The following SLC22A23 variants were observed in gnomAD, a reference collection of about 807,000 sequenced individuals.
SLC22A23 encodes solute carrier family 22 member 23, also known as ion transporter protein.
In SLC22A23, 26 loss-of-function variants were observed where a neutral mutation model predicts 61.0. That is an observed-to-expected ratio of 0.43 (90% CI 0.31 to 0.59). The LOEUF (loss-of-function observed/expected upper bound fraction) is 0.59. Among genes scored for constraint, SLC22A23 ranks in the 20% least tolerant of loss-of-function variants. The pLI, the probability that SLC22A23 is intolerant of heterozygous loss-of-function variation, is 0.11. For missense variants in SLC22A23, 796 were observed against 934.7 expected, an observed-to-expected ratio of 0.85 and a Z score of 1.94; for synonymous variants, 430 against 413.9, an observed-to-expected ratio of 1.04 and a Z score of -0.47.
At chr6:3,353,058 T>C (rs1020482072) in intron 3 of SLC22A23, among the ~76,000 whole-genome samples, 12 of 152,228 alleles carry the variant, frequency 7.9e-5, no homozygotes, top group African/African-American at 2.9e-4. Flanking sequence ...TTTACCCTGT[T>C]CTTCAGCAAC....
chr6:3,312,212 T>C (rs563189284), intron 4 of SLC22A23: 10 of 152,366 alleles, frequency 6.6e-5, no homozygotes, highest in Admixed American at 1.3e-4. Flanking sequence ...AGCGGATGAA[T>C]ACTTGGAGTC....
intron 4 of SLC22A23, among the ~76,000 whole-genome samples, chr6:3,310,015 A>G (rs1027312757): frequency 6.6e-6 from 1 of 152,238 alleles, no homozygotes; most frequent in Non-Finnish European, 1.5e-5. Flanking sequence ...TATTCTACAA[A>G]GAGTCCCACC....
intron 3 of SLC22A23, among the ~76,000 whole-genome samples, chr6:3,385,062 C>T (rs568643125): frequency 8.0e-4 from 121 of 152,120 alleles, no homozygotes; most frequent in African/African-American, 2.8e-3. Flanking sequence ...AGGAGAACGG[C>T]GGTTACCAAG....
rs148274234 is a variant in SLC22A23, at chr6:3,327,506, T to A, written c.914-3504A>T. On this transcript the variant is annotated intron_variant, in intron 3 of 9. Transcript: ENST00000406686. The surrounding 1 kb of genome is among the most constrained non-coding windows in gnomAD (Gnocchi z 4.1). ...ATTAAACTATCTCAAGTGGCCAGCA[T>A]GTAGCACTTCCACTGCTGTGGTTAA... Among the ~76,000 whole-genome samples, 388 of 152,346 alleles carry A rather than the reference T, an allele frequency of 2.5e-3. 2 individuals carry two copies. The highest frequency in any genetic ancestry group is 8.8e-3 in the African/African-American group (364 of 41,586).
At chr6:3,425,574 G>A (rs1481277595) in intron 1 of SLC22A23, among the ~76,000 whole-genome samples, 3 of 152,062 alleles carry the variant, frequency 2.0e-5, no homozygotes, top group African/African-American at 4.8e-5. Flanking sequence ...ATGAGTCACC[G>A]CACCCGGCCG....
chr6:3,290,803 C>T (rs151141902), intron 5 of SLC22A23: 1 of 152,590 alleles, frequency 6.6e-6, no homozygotes, highest in Non-Finnish European at 1.5e-5. Flanking sequence ...TGTTGCCTCT[C>T]TGCCTTCCTA....
At chr6:3,347,844 G>T (rs890092824) in intron 3 of SLC22A23, among the ~76,000 whole-genome samples, 5 of 152,188 alleles carry the variant, frequency 3.3e-5, no homozygotes, top group African/African-American at 9.7e-5. Context: ...TACACAGTCT[G>T]CCCTGCCCTC....
rs1275627026 is a variant in SLC22A23 at position 3,372,051 on chromosome 6, A to G, written c.913+38137T>C. Among the ~76,000 whole-genome samples the G allele has an allele frequency of 1.3e-5, 2 of 152,192 alleles. No homozygotes were observed. Among genetic ancestry groups the G allele is most frequent in the Non-Finnish European group, 2.9e-5 (2 of 68,040 alleles). The stretch of plus-strand genomic sequence containing the variant: ...TATGTACTCTCATCATCCCTAATTT[A>G]CAGATGAGGAAACTGAGGAACAGTT... On this transcript the variant is annotated intron_variant, in intron 3 of 9. Transcript: ENST00000406686. This position sits in a 1 kb window ranked among gnomAD's most constrained non-coding sequence, Gnocchi z 4.7.
At chr6:3,337,558 G>A (rs1489315086) in intron 3 of SLC22A23, among the ~76,000 whole-genome samples, 2 of 152,082 alleles carry the variant, frequency 1.3e-5, no homozygotes, top group African/African-American at 2.4e-5. Flanking sequence ...TTAGCAAAAG[G>A]AAGAGCTAGA....
intron 3 of SLC22A23, among the ~76,000 whole-genome samples, chr6:3,369,875 G>A (rs986554121): frequency 2.0e-5 from 3 of 152,194 alleles, no homozygotes; most frequent in Admixed American, 6.5e-5. Context: ...TCTCAAGCAC[G>A]ACTATTTTTT....
At chr6:3,396,751 G>A (rs1310740540) in intron 3 of SLC22A23, among the ~76,000 whole-genome samples, 2 of 152,174 alleles carry the variant, frequency 1.3e-5, no homozygotes, top group African/African-American at 2.4e-5. Context: ...TGGGGCAGTC[G>A]GAGAAGAGCG....
intron 1 of SLC22A23, among the ~76,000 whole-genome samples, chr6:3,436,492 C>G (rs778255209): frequency 6.6e-6 from 1 of 152,156 alleles, no homozygotes; most frequent in Non-Finnish European, 1.5e-5. Context: ...CTTGCAGCAT[C>G]CTGACTGACC....
intron 9 of SLC22A23, among the ~76,000 whole-genome samples, chr6:3,282,874 C>G (rs1033739042): frequency 8.5e-5 from 13 of 152,104 alleles, no homozygotes; most frequent in Non-Finnish European, 1.3e-4. Flanking sequence ...GAACCACGAC[C>G]CAGGGGCAGA....
intron 5 of SLC22A23, among the ~76,000 whole-genome samples, chr6:3,292,996 A>G (rs1404000568): frequency 6.6e-6 from 1 of 152,212 alleles, no homozygotes; most frequent in African/African-American, 2.4e-5. Context: ...ACATTTGGCC[A>G]TCTGGTGTGA....
intron 6 of SLC22A23, among the ~76,000 whole-genome samples, chr6:3,287,963 G>T (rs777514610): frequency 7.2e-5 from 11 of 152,212 alleles, no homozygotes; most frequent in Non-Finnish European, 1.6e-4. Context: ...GGGATTACAG[G>T]TGTGAGCCAC....
chr6:3,382,347 G>A (rs1767003514), intron 3 of SLC22A23, among the ~76,000 whole-genome samples: 2 of 152,240 alleles, frequency 1.3e-5, no homozygotes, highest in South Asian at 4.1e-4. Flanking sequence ...GCTTTGTAAC[G>A]TAGTTTACAA....
chr6:3,413,394 C>G (rs918953742), intron 2 of SLC22A23, among the ~76,000 whole-genome samples: 1 of 152,218 alleles, frequency 6.6e-6, no homozygotes, highest in Non-Finnish European at 1.5e-5. Flanking sequence ...TGGCCACACT[C>G]GGCCAGGAGC....
intron 3 of SLC22A23, among the ~76,000 whole-genome samples, chr6:3,341,117 G>C (rs1764129366): frequency 2.0e-5 from 3 of 152,156 alleles, no homozygotes; most frequent in South Asian, 4.1e-4. Context: ...TTAATATAGA[G>C]AAACAATCCT....
chr6:3,321,355 G>A lies in SLC22A23; in HGVS notation c.1082+2479C>T, dbSNP rs530272162. The stretch of plus-strand genomic sequence containing the variant: ...GCGGGAAGCAGAGCACCTTGGGACC[G>A]CCATCCTCATGCACACACGTGCACA... On this transcript the variant is annotated intron_variant, in intron 4 of 9. Transcript: ENST00000406686. Among the ~76,000 whole-genome samples the A allele has an allele frequency of 2.1e-3, 320 of 152,226 alleles. 2 individuals carry two copies. The highest frequency in any genetic ancestry group is 7.3e-3 in the African/African-American group (302 of 41,550).
Sources: gnomAD v4.1 joint callset for allele counts (sites outside exome capture counted in the v4.1 genomes callset) on GRCh38, gnomAD v4.1.1 for gene constraint, Gnocchi (gnomAD v3.1) non-coding constraint, MANE v1.5 for transcripts, NCBI Gene and HGNC (gene_info 2026-07-23, HGNC 2026-07-21) for gene names.